The following ATP2B1 variants were observed in gnomAD, a reference collection of about 807,000 sequenced individuals.
The protein encoded by ATP2B1 is plasma membrane calcium-transporting ATPase 1.
ATP2B1 carries 14 observed loss-of-function variants against 124.2 expected under a neutral mutation model. The observed-to-expected ratio is 0.11, with a 90% confidence interval of 0.07 to 0.18. The LOEUF is 0.18. Ranked by LOEUF, ATP2B1 falls within the 10% of genes least tolerant of loss-of-function variation. ATP2B1 has a pLI of 1.00. For missense variants in ATP2B1, 763 were observed against 1,466.1 expected (o/e 0.52, Z 7.83); for synonymous variants, 449 against 492.4 (o/e 0.91, Z 1.17).
chr12:89,636,382 A>C (rs1239966866), intron 3 of ATP2B1, among the ~76,000 whole-genome samples: 3 of 152,146 alleles, frequency 2.0e-5, no homozygotes, highest in Non-Finnish European at 4.4e-5. Context: ...AAAACAAAAT[A>C]GAAAGGATAT....
At chr12:89,591,372 T>A in intron 20 of ATP2B1, 77 bp from the exon 21 acceptor site, 1 of 1,276,080 alleles carries the variant, frequency 7.8e-7, no homozygotes, top group Non-Finnish European at 1.1e-6. Flanking sequence ...TGAGTTTGAA[T>A]CCACAAACAG....
At chr12:89,654,893 T>C (rs1475626102) in intron 2 of ATP2B1, among the ~76,000 whole-genome samples, 3 of 152,198 alleles carry the variant, frequency 2.0e-5, no homozygotes, top group Non-Finnish European at 4.4e-5. Context: ...TCCTCATATG[T>C]GTCCCTTCCC....
At chr12:89,610,764 C>T (rs1877856179) in intron 13 of ATP2B1, 1 of 422,854 alleles carries the variant, frequency 2.4e-6, no homozygotes, top group Non-Finnish European at 4.2e-6. Flanking sequence ...TTAAAAGCCA[C>T]TGTTTTTATA....
At chr12:89,656,574 A>G (rs1885975526) in intron 1 of ATP2B1, among the ~76,000 whole-genome samples, 1 of 152,190 alleles carries the variant, frequency 6.6e-6, no homozygotes, top group South Asian at 2.1e-4. Context: ...GTTCCTTTTA[A>G]CATTATACTT....
intron 1 of ATP2B1, among the ~76,000 whole-genome samples, chr12:89,681,910 G>A (rs181812874): frequency 1.5e-3 from 234 of 152,162 alleles, no homozygotes; most frequent in Middle Eastern, 6.8e-3. Flanking sequence ...AGATACCAGT[G>A]AAGAATTAGA....
At chr12:89,598,180 T>C (rs1875067386) in intron 20 of ATP2B1, among the ~76,000 whole-genome samples, 1 of 152,138 alleles carries the variant, frequency 6.6e-6, no homozygotes, top group African/African-American at 2.4e-5. Flanking sequence ...ATGCTAAATT[T>C]ATTCTTAGCT....
intron 1 of ATP2B1, among the ~76,000 whole-genome samples, chr12:89,668,609 T>C (rs1565894180): frequency 6.6e-6 from 1 of 152,186 alleles, no homozygotes; most frequent in Non-Finnish European, 1.5e-5. Flanking sequence ...GTAAAATGAA[T>C]GAACCAGGGA....
At chr12:89,688,268 T>C (rs1197034576) in intron 1 of ATP2B1, among the ~76,000 whole-genome samples, 1 of 152,142 alleles carries the variant, frequency 6.6e-6, no homozygotes, top group African/African-American at 2.4e-5. Context: ...TTACTCTTCA[T>C]TACTGAGGAT....
At chr12:89,620,472 C>CA (rs1447169698) in intron 10 of ATP2B1, among the ~76,000 whole-genome samples, 2 of 152,112 alleles carry the variant, frequency 1.3e-5, no homozygotes, top group Non-Finnish European at 2.9e-5. Flanking sequence ...GACAATTACC[C>CA]AACTGCTTTG....
chr12:89,709,318 A>AAGCTCGCGCCGCCGCCGC (rs1892944182), upstream of ATP2B1: 1 of 151,468 alleles, frequency 6.6e-6, no homozygotes, highest in Non-Finnish European at 1.5e-5. Context: ...ACCGCCGCCG[A>AAGCTCGCGCCGCCGCCGC]AGCTCGCGCC....
chr12:89,625,340 T>C (rs1334533917), intron 8 of ATP2B1, among the ~76,000 whole-genome samples: 1 of 151,778 alleles, frequency 6.6e-6, no homozygotes, highest in Non-Finnish European at 1.5e-5. Context: ...TCCCAGCACT[T>C]TGGGAAGCTA....
intron 18 of ATP2B1, among the ~76,000 whole-genome samples, chr12:89,602,314 C>T (rs1341497033): frequency 6.6e-6 from 1 of 152,068 alleles, no homozygotes; most frequent in Non-Finnish European, 1.5e-5. Context: ...TAACAATATT[C>T]ACCCTCCTGT....
At chr12:89,665,365 T>TA in intron 1 of ATP2B1, among the ~76,000 whole-genome samples, 1 of 152,270 alleles carries the variant, frequency 6.6e-6, no homozygotes, top group African/African-American at 2.4e-5. Flanking sequence ...TTTAAACACC[T>TA]AAAAAAATTA....
chr12:89,626,491 C>T lies in ATP2B1; in HGVS notation c.1092G>A (p.Gly364=). The change falls in exon 8 of 21, where the codon GGG becomes GGA. Residue 364 remains glycine, a synonymous_variant. Transcript: ENST00000428670. ...LPKKEKSVLQ[G]KLTKLAVQIG... ...TCTGAACAGCCAGTTTTGTAAGTTT[C>T]CCTTGTAAAACAGATTTTTCCTTTT... 1.9e-6 allele frequency: 3 copies of T among 1,612,992 alleles called. No homozygotes were observed. In the African/African-American group the frequency reaches 4.0e-5, roughly 22 times the overall value.
chr12:89,676,150 C>G (rs1301734073), intron 1 of ATP2B1, among the ~76,000 whole-genome samples: 2 of 152,062 alleles, frequency 1.3e-5, no homozygotes, highest in African/African-American at 4.8e-5. Flanking sequence ...CTCCTCTCTC[C>G]CATTGTAGGT....
chr12:89,630,312 C>T (rs1203426185), intron 6 of ATP2B1, among the ~76,000 whole-genome samples, 193 bp downstream of exon 6: 1 of 152,138 alleles, frequency 6.6e-6, no homozygotes, highest in Admixed American at 6.5e-5. Flanking sequence ...CAAGTAGATG[C>T]TGAATTTCTC....
chr12:89,641,549 A>C (rs1883502557), intron 3 of ATP2B1, among the ~76,000 whole-genome samples: 1 of 152,164 alleles, frequency 6.6e-6, no homozygotes, highest in African/African-American at 2.4e-5. Context: ...TATGAGACAA[A>C]ATTTGTGGTA....
chr12:89,662,661 T>TTATA (rs1886850053), intron 1 of ATP2B1, among the ~76,000 whole-genome samples: 2 of 152,142 alleles, frequency 1.3e-5, no homozygotes, highest in African/African-American at 4.8e-5. Context: ...GGATTTTAGT[T>TTATA]TTATAGAGCT....
chr12:89,610,136 G>T lies in ATP2B1; in HGVS notation c.2336-93C>A, dbSNP rs1877717273. ...CCTGACGTCGGTTTTATAGACTCAAGGTTAAAAATAAATAAACAAATATAA... is the reference window on the plus strand; with the variant it reads ...CCTGACGTCGGTTTTATAGACTCAATGTTAAAAATAAATAAACAAATATAA... On this transcript the variant is annotated intron_variant, in intron 14 of 20. Transcript: ENST00000428670. 3.5e-6 allele frequency: 4 copies of T among 1,132,998 alleles called. No individual in the cohort carries two copies. In the African/African-American group the frequency reaches 4.8e-5, roughly 13 times the overall value. 70.2% of individuals were successfully genotyped at this position (1,132,998 alleles called of 1,614,324 possible). A position where few individuals can be genotyped will look rare whatever the true frequency, so the allele number is the denominator to read the frequency against.
Sources: gnomAD v4.1 joint callset for allele counts (sites outside exome capture counted in the v4.1 genomes callset) on GRCh38, gnomAD v4.1.1 for gene constraint, MANE v1.5 for transcripts, NCBI Gene and HGNC (gene_info 2026-07-23, HGNC 2026-07-21) for gene names.